The following ATAD3B variants were observed in gnomAD, a reference collection of about 807,000 sequenced individuals.
The protein encoded by ATAD3B is ATPase family AAA domain-containing protein 3B.
ATAD3B carries 59 observed loss-of-function variants against 70.2 expected under a neutral mutation model. That is an observed-to-expected ratio of 0.84 (90% CI 0.68 to 1.04). The LOEUF is 1.04. ATAD3B is among the 50% of genes least tolerant of loss of function. The pLI, the probability that ATAD3B is intolerant of heterozygous loss-of-function variation, is 0.00. For missense variants in ATAD3B, 961 were observed against 913.4 expected, an observed-to-expected ratio of 1.05 and a Z score of -0.67; for synonymous variants, 423 against 388.6, an observed-to-expected ratio of 1.09 and a Z score of -1.04.
chr1:1,478,776 G>A (rs749888372), intron 3 of ATAD3B, 31 bp downstream of exon 3: 29 of 1,458,556 alleles, frequency 2.0e-5, no homozygotes, highest in East Asian at 1.8e-4. Context: ...GAGGGAGGCC[G>A]CCCGGCTGCG....
chr1:1,480,367 C>G (rs1639846542), intron 4 of ATAD3B, among the ~76,000 whole-genome samples: 1 of 146,358 alleles, frequency 6.8e-6, no homozygotes, highest in African/African-American at 2.6e-5. Flanking sequence ...AGCTGGCAGT[C>G]TGGGAGGTTC....
At chr1:1,506,406 C>CTT in the ATAD3B span, among the ~76,000 whole-genome samples, 3 of 144,288 alleles carry the variant, frequency 2.1e-5, no homozygotes, top group East Asian at 6.1e-4. Context: ...GTCTGGTTTT[C>CTT]TTTTTTTTTT....
At position 1,485,788 on chromosome 1, in the gene ATAD3B, C is replaced by T. The variant is rs141516682; in HGVS notation, c.913C>T (p.Arg305Trp). 3.3e-5 allele frequency: 54 copies of T among 1,612,894 alleles called. 2 individuals carry two copies. Among genetic ancestry groups the T allele is most frequent in the Admixed American group, 1.5e-4 (9 of 59,928 alleles). The change falls in exon 9 of 16, where the codon CGG becomes TGG. Residue 305 changes from arginine (R) to tryptophan (W), a missense_variant. Physicochemically the swap from Arg to Trp is moderately radical, Grantham distance 101 (BLOSUM62 -3). Coordinates refer to ENST00000673477, the MANE Select transcript of ATAD3B (RefSeq NM_031921.6). ...EALRHPIQVS[R>W]RLLSRPQDVL... ...TCCCCTTCCCCTCCGGCAGGTCAGC[C>T]GGCGGCTCCTCAGTCGACCCCAGGA...
intron 1 of ATAD3B, among the ~76,000 whole-genome samples, chr1:1,475,314 G>C (rs1639534942): frequency 6.6e-6 from 1 of 151,230 alleles, no homozygotes; most frequent in Non-Finnish European, 1.5e-5. Context: ...CTCACTGCTG[G>C]CGGGTGAGAG....
intron 1 of ATAD3B, among the ~76,000 whole-genome samples, chr1:1,472,332 G>A (rs932333296): frequency 1.5e-4 from 23 of 152,044 alleles, no homozygotes; most frequent in African/African-American, 5.5e-4. Context: ...CGGAGGTGGC[G>A]CTCATAGGTT....
Position 1,483,090 on chromosome 1 carries a change from C to T in ATAD3B, c.750+476C>T, listed in dbSNP as rs568504162. ...TGGGCGGATCACGAGGTCCGGAGATCGAGATCATCCTGGTAAGAGTGAAAC... is the reference window on the plus strand; with the variant it reads ...TGGGCGGATCACGAGGTCCGGAGATTGAGATCATCCTGGTAAGAGTGAAAC... On this transcript the variant is annotated intron_variant, in intron 7 of 15. Transcript: ENST00000673477. The T allele has an allele frequency of 2.9e-5, 13 of 452,502 alleles. No individual in the cohort carries two copies. In the Middle Eastern group the frequency reaches 1.2e-3, roughly 42 times the overall value. 28.0% of individuals were successfully genotyped at this position (452,502 alleles called of 1,614,324 possible).
intron 2 of ATAD3B, chr1:1,478,321 G>A (rs1210042795): frequency 1.2e-5 from 14 of 1,122,330 alleles, no homozygotes; most frequent in Non-Finnish European, 1.6e-5. Context: ...CCTAGAATGG[G>A]CACGAGCTCT....
rs533689685 is a variant in ATAD3B at position 1,495,748 on chromosome 1, G to T, written c.1878G>T (p.Gly626=). ...CSWMGTGLCP[G]PLSPRMSCGG... Reference sequence around the variant, plus strand: ...GGATGGGGACTGGGCTGTGCCCAGGGCCTCTGTCCCCCAGGATGTCTTGTG... The same window carrying T: ...GGATGGGGACTGGGCTGTGCCCAGGTCCTCTGTCCCCCAGGATGTCTTGTG... The change falls in exon 16 of 16, where the codon GGG becomes GGT. Residue 626 remains glycine, a synonymous_variant. Transcript: ENST00000673477. 4.6e-5 allele frequency: 74 copies of T among 1,611,976 alleles called. No homozygotes were observed. In the East Asian group the frequency reaches 1.5e-3, roughly 32 times the overall value.
In ATAD3B at chr1:1,482,162, T is replaced by C. The variant is rs1336177659; in HGVS notation, c.539T>C (p.Leu180Pro). The C allele has an allele frequency of 6.2e-7, 1 of 1,610,000 alleles. No homozygotes were observed. Among genetic ancestry groups the C allele is most frequent in the Non-Finnish European group, 8.5e-7 (1 of 1,179,012 alleles). ...GCCACCGTGGAGCGGGAGATGGAGC[T>C]GCGGCACAAGAATGAGATGCTGCGA... ...RRATVEREME[L>P]RHKNEMLRVE... is the part of the protein sequence containing the mutation. Residue 180 changes from leucine (L) to proline (P), a missense_variant, in exon 6 of 16, where the codon CTG (leucine) becomes CCG (proline). This residue lies in a region of ATAD3B where 349 missense variants were observed against 307.5 expected (regional missense o/e 1.14). Transcript: ENST00000673477.
At chr1:1,500,300 C>T (rs1307523605), downstream of ATAD3B, among the ~76,000 whole-genome samples, 2 of 150,550 alleles carry the variant, frequency 1.3e-5, no homozygotes, top group Non-Finnish European at 3.0e-5. Context: ...CGCCTGTAAT[C>T]CCAGCACTTT....
intron 5 of ATAD3B, 142 bp downstream of exon 5, chr1:1,481,078 T>C: frequency 6.8e-7 from 1 of 1,461,638 alleles, no homozygotes; most frequent in South Asian, 1.3e-5. Flanking sequence ...CTCTGCGGGG[T>C]GGGGCTCCCT....
intron 1 of ATAD3B, among the ~76,000 whole-genome samples, chr1:1,472,799 A>G (rs1639397734): frequency 3.3e-5 from 5 of 152,014 alleles, no homozygotes; most frequent in Admixed American, 3.3e-4. Context: ...GAAAGAATAC[A>G]GTGGTTCTCA....
intron 4 of ATAD3B, 140 bp from the exon 5 acceptor site, chr1:1,480,727 C>T: frequency 3.4e-6 from 5 of 1,455,598 alleles, no homozygotes; most frequent in Non-Finnish European, 4.6e-6. Flanking sequence ...GTGTCTGTGT[C>T]AGGGTGCGGC....
At chr1:1,482,695 C>T (rs765333682) in intron 7 of ATAD3B, 81 bp downstream of exon 7, 3 of 1,601,530 alleles carry the variant, frequency 1.9e-6, no homozygotes, top group East Asian at 2.2e-5. Context: ...GGTCCTGTCC[C>T]TGCCGGCTCT....
rs1219060571 is a variant in ATAD3B, at chr1:1,490,289, A to G, written c.1370A>G (p.Glu457Gly). 2 of 1,612,898 alleles carry G rather than the reference A, an allele frequency of 1.2e-6. No individual in the cohort carries two copies. Among genetic ancestry groups the G allele is most frequent in the African/African-American group, 2.7e-5 (2 of 74,914 alleles). The part of the protein sequence containing the change: ...FMLVLASNLP[E>G]QFDCAINSRI... ...CTGGTCCTGGCCAGCAATCTGCCTG[A>G]GCAGTTCGACTGTGCCATCAACAGC... Residue 457 changes from glutamate (E) to glycine (G), a missense_variant, in exon 14 of 16, where the codon GAG becomes GGG. Coordinates refer to ENST00000673477, the MANE Select transcript of ATAD3B (RefSeq NM_031921.6).
At chr1:1,474,750 C>G (rs1391153865) in intron 1 of ATAD3B, among the ~76,000 whole-genome samples, 2 of 152,040 alleles carry the variant, frequency 1.3e-5, no homozygotes, top group Non-Finnish European at 2.9e-5. Flanking sequence ...ATTCGCCCAC[C>G]TCGGCCTCCC....
chr1:1,489,831 G>A lies in ATAD3B; in HGVS notation c.1338-426G>A, dbSNP rs1461581236. On this transcript the variant is annotated intron_variant, in intron 13 of 15. Coordinates refer to ENST00000673477, the MANE Select transcript of ATAD3B (RefSeq NM_031921.6). Reference sequence around the variant, plus strand: ...ACTCAGGTCCTTCCCAGAGAGGCAAGGCTGGGGCCCTGCTGAGCCTCTGCT... The same window carrying A: ...ACTCAGGTCCTTCCCAGAGAGGCAAAGCTGGGGCCCTGCTGAGCCTCTGCT... The A allele has an allele frequency of 7.2e-6, 9 of 1,244,388 alleles. No individual in the cohort carries two copies. The African/African-American group carries it at 1.4e-4, about 19-fold the overall frequency. The allele number at this position is 1,244,388 out of a possible 1,614,324, so 77.1% of individuals were successfully genotyped here.
chr1:1,479,803 G>A (rs1271463973), intron 4 of ATAD3B, among the ~76,000 whole-genome samples: 2 of 128,330 alleles, frequency 1.6e-5, no homozygotes, highest in African/African-American at 6.3e-5. Flanking sequence ...ACGTGGGCCC[G>A]CTCACACAGC....
chr1:1,509,342 C>T, the ATAD3B span: 1 of 1,611,264 alleles, frequency 6.2e-7, no homozygotes, highest in Non-Finnish European at 8.5e-7. Context: ...ACGAGCAACC[C>T]TCATCCTGAG....
Sources: allele counts gnomAD v4.1 joint callset (sites outside exome capture counted in the v4.1 genomes callset), GRCh38; gene constraint gnomAD v4.1.1; regional missense constraint gnomAD v4.1.1; transcripts MANE v1.5; gene names NCBI Gene and HGNC (gene_info 2026-07-23, HGNC 2026-07-21).